COL21A1: variants seen among roughly 807,000 people sequenced by gnomAD.
COL21A1 encodes the protein collagen type XXI alpha 1 chain.
Under a neutral mutation model 137.9 loss-of-function variants are expected in COL21A1, and 149 were observed. The observed-to-expected ratio is 1.08, with a 90% CI of 0.95 to 1.24. COL21A1 has a LOEUF of 1.24. Ranked by LOEUF, COL21A1 falls within the 50% of genes most tolerant of loss-of-function variation. The probability of loss-of-function intolerance (pLI) is 0.00; values close to 1 mark genes in which losing one functional copy is unlikely to be tolerated. For missense variants in COL21A1, 1,167 were observed against 1,158.4 expected, an observed-to-expected ratio of 1.01 and a Z score of -0.11; for synonymous variants, 456 against 391.5, an observed-to-expected ratio of 1.16 and a Z score of -1.95.
intron 1 of COL21A1, among the ~76,000 whole-genome samples, chr6:56,304,009 G>C (rs555568741): frequency 6.6e-6 from 1 of 152,136 alleles, no homozygotes; most frequent in African/African-American, 2.4e-5. Flanking sequence ...TTTGTCGTTG[G>C]TTCTGTTTAT....
intron 1 of COL21A1, among the ~76,000 whole-genome samples, chr6:56,288,213 T>C (rs919631504): frequency 1.3e-5 from 2 of 151,352 alleles, no homozygotes; most frequent in Non-Finnish European, 2.9e-5. Context: ...TGCTGATAGT[T>C]TCTATTCTAC....
At chr6:56,155,047 T>A (rs1775637199) in intron 10 of COL21A1, among the ~76,000 whole-genome samples, 1 of 152,178 alleles carries the variant, frequency 6.6e-6, no homozygotes, top group Admixed American at 6.5e-5. Flanking sequence ...TTAGTTATTA[T>A]TCCTGACCCT....
intron 1 of COL21A1, among the ~76,000 whole-genome samples, chr6:56,258,182 C>T (rs1168578992): frequency 6.6e-6 from 1 of 152,158 alleles, no homozygotes; most frequent in African/African-American, 2.4e-5. Flanking sequence ...ACAACATTCA[C>T]ATGTATTTTT....
chr6:56,244,063 A>G (rs1406033606), intron 1 of COL21A1, among the ~76,000 whole-genome samples: 1 of 152,170 alleles, frequency 6.6e-6, no homozygotes, highest in East Asian at 1.9e-4. Context: ...GACTGACCTT[A>G]ATAGTAAAAC....
intron 1 of COL21A1, among the ~76,000 whole-genome samples, chr6:56,261,218 G>A (rs1450969220): frequency 6.6e-6 from 1 of 151,980 alleles, no homozygotes; most frequent in Non-Finnish European, 1.5e-5. Flanking sequence ...CCCTGAGAAG[G>A]AGCGCCTCCC....
At chr6:56,229,741 T>C (rs1435976535) in intron 1 of COL21A1, among the ~76,000 whole-genome samples, 1 of 151,834 alleles carries the variant, frequency 6.6e-6, no homozygotes, top group East Asian at 1.9e-4. Flanking sequence ...AGTGCAGAAA[T>C]ATATGTTAAT....
Position 56,357,344 on chromosome 6 carries a change from A to G in COL21A1, c.-39+36627T>C, listed in dbSNP as rs564287229. 2.6e-5 allele frequency among the ~76,000 whole-genome samples: 4 copies of G among 152,300 alleles called. No homozygotes were observed. The South Asian group carries it at 6.2e-4, about 24-fold the overall frequency. ...ATCTTACAATCTACAGCATCTTACA[A>G]TTGCCATCCGTAAGAGTGTAGCTGC... is the stretch of plus-strand genomic sequence containing the variant. On this transcript the variant is annotated intron_variant, in intron 1 of 28. Coordinates refer to the COL21A1 transcript ENST00000370819.
At chr6:56,058,568 TG>T (rs1357355299) in intron 29 of COL21A1, among the ~76,000 whole-genome samples, 3 of 152,306 alleles carry the variant, frequency 2.0e-5, no homozygotes, top group African/African-American at 7.2e-5. Flanking sequence ...TAACTGCAAT[TG>T]TAAGTGTTGT....
At chr6:56,289,218 A>T (rs4388289) in intron 1 of COL21A1, among the ~76,000 whole-genome samples, 1 of 152,222 alleles carries the variant, frequency 6.6e-6, no homozygotes, top group African/African-American at 2.4e-5. Flanking sequence ...GATATGCATT[A>T]AGCACCATGC....
At chr6:56,340,544 C>T (rs978776011) in intron 1 of COL21A1, among the ~76,000 whole-genome samples, 2 of 152,116 alleles carry the variant, frequency 1.3e-5, no homozygotes, top group South Asian at 2.1e-4. Flanking sequence ...CCAGCTAGGT[C>T]TAAGGACTAG....
At chr6:56,178,559 T>C (rs1342828266) in intron 3 of COL21A1, among the ~76,000 whole-genome samples, 1 of 152,106 alleles carries the variant, frequency 6.6e-6, no homozygotes, top group South Asian at 2.1e-4. Flanking sequence ...AGCCACCCAC[T>C]TTGGGAGTTT....
At chr6:56,068,151 G>C (rs1766423843) in intron 22 of COL21A1, among the ~76,000 whole-genome samples, 1 of 151,556 alleles carries the variant, frequency 6.6e-6, no homozygotes, top group African/African-American at 2.4e-5. Context: ...GGACACTTCT[G>C]TCTCAGCTAG....
chr6:56,374,566 T>C (rs994226781), intron 1 of COL21A1, among the ~76,000 whole-genome samples: 3 of 151,728 alleles, frequency 2.0e-5, no homozygotes, highest in Non-Finnish European at 4.4e-5. Context: ...CTACTGAAAC[T>C]ACAAAATTAG....
At chr6:56,113,701 C>A (rs1390224982) in intron 16 of COL21A1, among the ~76,000 whole-genome samples, 3 of 152,114 alleles carry the variant, frequency 2.0e-5, no homozygotes, top group African/African-American at 7.2e-5. Flanking sequence ...AAAGGAAACT[C>A]TGTATTACAC....
intron 1 of COL21A1, among the ~76,000 whole-genome samples, chr6:56,352,450 G>A (rs1765729825): frequency 6.6e-6 from 1 of 152,026 alleles, no homozygotes; most frequent in African/African-American, 2.4e-5. Context: ...GTCAGAAAAT[G>A]GAGATCGGCT....
At chr6:56,114,601 T>C (rs1304236821) in intron 16 of COL21A1, among the ~76,000 whole-genome samples, 3 of 151,662 alleles carry the variant, frequency 2.0e-5, no homozygotes, top group Non-Finnish European at 4.4e-5. Flanking sequence ...ATCAGAGAAA[T>C]GCAAATCAAA....
At chr6:56,216,413 T>G (rs950555310) in intron 1 of COL21A1, among the ~76,000 whole-genome samples, 7 of 152,012 alleles carry the variant, frequency 4.6e-5, no homozygotes, top group Non-Finnish European at 8.8e-5. Context: ...CAGCAAAAAT[T>G]TATCCCTCTT....
chr6:56,340,453 T>C (rs1447101066), intron 1 of COL21A1, among the ~76,000 whole-genome samples: 2 of 152,174 alleles, frequency 1.3e-5, no homozygotes, highest in Non-Finnish European at 2.9e-5. Context: ...CACAAAGTCA[T>C]ACAGCTGGGG....
chr6:56,232,155 T>C (rs148695602), intron 1 of COL21A1, among the ~76,000 whole-genome samples: 2 of 151,958 alleles, frequency 1.3e-5, no homozygotes, highest in Admixed American at 1.3e-4. Context: ...TGTCTTATTC[T>C]TATATTTGAA....
Sources: gnomAD v4.1 joint callset for allele counts (sites outside exome capture counted in the v4.1 genomes callset) on GRCh38, gnomAD v4.1.1 for gene constraint, MANE v1.5 for transcripts, NCBI Gene and HGNC (gene_info 2026-07-23, HGNC 2026-07-21) for gene names.